The following KCNH4 variants were observed in gnomAD, a reference collection of about 807,000 sequenced individuals.
KCNH4 encodes the protein voltage-gated delayed rectifier potassium channel KCNH4.
Under a neutral mutation model 90.7 loss-of-function variants are expected in KCNH4, and 33 were observed. That is an observed-to-expected ratio of 0.36 (90% CI 0.28 to 0.49). The LOEUF is 0.49. Among genes scored for constraint, KCNH4 ranks in the 20% least tolerant of loss-of-function variants. The pLI, the probability that KCNH4 is intolerant of heterozygous loss-of-function variation, is 0.98. For missense variants in KCNH4, 1,044 were observed against 1,387.1 expected, an observed-to-expected ratio of 0.75 and a Z score of 3.93; for synonymous variants, 551 against 581.7, an observed-to-expected ratio of 0.95 and a Z score of 0.76.
At chr17:42,174,379 G>T (rs544168827) in intron 6 of KCNH4, among the ~76,000 whole-genome samples, 2 of 152,182 alleles carry the variant, frequency 1.3e-5, no homozygotes, top group Non-Finnish European at 2.9e-5. Flanking sequence ...AGGAGGGGCA[G>T]GGGGCTCTCT....
At chr17:42,162,448 AT>A in intron 14 of KCNH4, 127 bp from the exon 15 acceptor site, 1 of 706,564 alleles carries the variant, frequency 1.4e-6, no homozygotes. Flanking sequence ...GGTCTGTAAG[AT>A]GGGAAACCTA....
chr17:42,174,014 G>A (rs1261962701), intron 6 of KCNH4, among the ~76,000 whole-genome samples: 1 of 152,110 alleles, frequency 6.6e-6, no homozygotes, highest in African/African-American at 2.4e-5. Context: ...CTGGAGTGCA[G>A]TGGAGCTATC....
Position 42,163,379 on chromosome 17 carries a change from G to T in KCNH4, c.2478-45C>A. The T allele has an allele frequency of 7.0e-7, 1 of 1,428,548 alleles. No individual in the cohort carries two copies. Among genetic ancestry groups the T allele is most frequent in the Non-Finnish European group, 9.8e-7 (1 of 1,016,262 alleles). The allele number at this position is 1,428,548 out of a possible 1,614,324, so 88.5% of individuals were successfully genotyped here. A position where few individuals can be genotyped will look rare whatever the true frequency, so the allele number is the denominator to read the frequency against. ...CATCAGCACCATGGGGTGAGGGTAA[G>T]GGCCAGAGCAGAGCAGACAGAGGGG... On this transcript the variant is annotated intron_variant, in intron 13 of 16. Transcript: ENST00000264661. The surrounding 1 kb of genome is among the most constrained non-coding windows in gnomAD (Gnocchi z 5.4).
intron 11 of KCNH4, among the ~76,000 whole-genome samples, chr17:42,165,117 A>C (rs979160741): frequency 6.6e-6 from 1 of 151,854 alleles, no homozygotes. Flanking sequence ...AAAAAAAAAA[A>C]CAAAACCCAA....
At chr17:42,164,731 G>C (rs1391380174) in intron 11 of KCNH4, among the ~76,000 whole-genome samples, 1 of 152,182 alleles carries the variant, frequency 6.6e-6, no homozygotes, top group Non-Finnish European at 1.5e-5. Flanking sequence ...GAACCCGGGA[G>C]GCGGAGGTTG....
At chr17:42,160,872 C>T (rs1184676201) in intron 15 of KCNH4, among the ~76,000 whole-genome samples, 1 of 152,026 alleles carries the variant, frequency 6.6e-6, no homozygotes, top group Non-Finnish European at 1.5e-5. Flanking sequence ...CCTAAGAGGC[C>T]CAGAAATCTG....
chr17:42,169,543 G>A lies in KCNH4; in HGVS notation c.1524C>T (p.Leu508=), dbSNP rs142739364. ...FIRVHRLPRP[L]KQRMLEYFQT... ...GGAAGTATTCGAGCATGCGCTGCTT[G>A]AGCGGCCGCGGCAGGCGGTGCACAC... is the stretch of plus-strand genomic sequence containing the variant. Residue 508 remains leucine, a synonymous_variant, in exon 9 of 17, where the codon CTC becomes CTT. Coordinates refer to ENST00000264661, the MANE Select transcript of KCNH4 (RefSeq NM_012285.3). 1.4e-5 allele frequency: 22 copies of A among 1,613,454 alleles called. No individual in the cohort carries two copies. The African/African-American group carries it at 2.3e-4, about 17-fold the overall frequency.
At chr17:42,167,417 C>T (rs987747012) in intron 9 of KCNH4, among the ~76,000 whole-genome samples, 3 of 152,174 alleles carry the variant, frequency 2.0e-5, no homozygotes, top group Non-Finnish European at 4.4e-5. Flanking sequence ...CAAGCACGCA[C>T]CACTACGCCC....
chr17:42,178,659 G>A lies in KCNH4; in HGVS notation c.310+134C>T, dbSNP rs925057604. The A allele has an allele frequency of 3.6e-6, 4 of 1,121,672 alleles. No homozygotes were observed. In the African/African-American group the frequency reaches 6.2e-5, roughly 17 times the overall value. The allele number at this position is 1,121,672 out of a possible 1,614,324, so 69.5% of individuals were successfully genotyped here. A position where few individuals can be genotyped will look rare whatever the true frequency, so the allele number is the denominator to read the frequency against. On this transcript the variant is annotated intron_variant, in intron 2 of 16. Transcript: ENST00000264661. The stretch of plus-strand genomic sequence containing the variant: ...AAATGGGGGAACCCAGGACCAGAGA[G>A]GTCAGGGATACGCTCCGTCACAGTC...
In KCNH4 at chr17:42,169,473, C is replaced by G. The variant is rs759198897; in HGVS notation, c.1590+4G>C. 45 of 1,612,456 alleles carry G rather than the reference C, an allele frequency of 2.8e-5. No individual in the cohort carries two copies. The highest frequency in any genetic ancestry group is 3.7e-5 in the Non-Finnish European group (44 of 1,179,882). ...AGGGCAAGATTGGAGACCCTGCAGG[C>G]TACCTCGTTGGCGTCGATGCCGCTG... On this transcript the variant is annotated splice_donor_region_variant and intron_variant, in intron 9 of 16. Coordinates refer to ENST00000264661, the MANE Select transcript of KCNH4 (RefSeq NM_012285.3).
intron 11 of KCNH4, among the ~76,000 whole-genome samples, 166 bp downstream of exon 11, chr17:42,165,283 G>C (rs1352754825): frequency 6.6e-6 from 1 of 152,084 alleles, no homozygotes; most frequent in Non-Finnish European, 1.5e-5. Flanking sequence ...TGTAGTGTCA[G>C]CGGGGTTGGA....
At chr17:42,173,690 G>A (rs1598275616) in intron 6 of KCNH4, among the ~76,000 whole-genome samples, 1 of 80,166 alleles carries the variant, frequency 1.2e-5, no homozygotes. Context: ...TAGCGATCTG[G>A]TTCTTTTTTT....
At chr17:42,168,442 G>A (rs545168177) in intron 9 of KCNH4, among the ~76,000 whole-genome samples, 6 of 152,262 alleles carry the variant, frequency 3.9e-5, no homozygotes, top group Admixed American at 6.5e-5. Context: ...TCAAGAGTTC[G>A]AGACAAGCCT....
rs759414957 is a variant in KCNH4, at chr17:42,165,622, A to T, written c.1912T>A (p.Phe638Ile). ...QEPGLGADPN[F>I]VLKTSADVKA... ...ACATCAGCACTGGTCTTTAGCACGA[A>T]GTTTGGGTCTGCTCCCAACCCAGGC... The change falls in exon 11 of 17, where the codon TTC becomes ATC. Residue 638 changes from phenylalanine (F) to isoleucine (I), a missense_variant. By Grantham distance (21) the Phe-to-Ile change is conservative. Coordinates refer to ENST00000264661, the MANE Select transcript of KCNH4 (RefSeq NM_012285.3). 4 of 1,614,148 alleles carry T rather than the reference A, an allele frequency of 2.5e-6. No individual in the cohort carries two copies. The highest frequency in any genetic ancestry group is 3.4e-6 in the Non-Finnish European group (4 of 1,180,014).
Position 42,160,104 on chromosome 17 carries a change from G to A in KCNH4, c.2990C>T (p.Ala997Val). ...CAAGAGGCTTGGGGTTGGGGGTGAG[G>A]CCTCTGGCACTGGAGAGGGTCCCAG... ...DPLGPSPVPE[A>V]SPPTPSLLRH... Residue 997 changes from alanine (A) to valine (V), a missense_variant, in exon 16 of 17, where the codon GCC (alanine) becomes GTC (valine). Around this residue, in one of 4 missense-constraint regions of KCNH4, gnomAD observed 441 missense variants for 512.3 expected, o/e 0.86. Coordinates refer to ENST00000264661, the MANE Select transcript of KCNH4 (RefSeq NM_012285.3). The A allele has an allele frequency of 6.3e-7, 1 of 1,582,048 alleles. No homozygotes were observed.
chr17:42,176,372 G>A, intron 4 of KCNH4, 75 bp from the exon 5 acceptor site: 1 of 1,363,280 alleles, frequency 7.3e-7, no homozygotes, highest in Non-Finnish European at 1.0e-6. Flanking sequence ...AAAGGCAGGG[G>A]ATGGGGAAAG....
chr17:42,160,980 G>C (rs2079743387), intron 15 of KCNH4, among the ~76,000 whole-genome samples: 1 of 122,404 alleles, frequency 8.2e-6, no homozygotes, highest in Non-Finnish European at 1.6e-5. Flanking sequence ...AGGCTGGAGT[G>C]CAATGGCGCG....
intron 15 of KCNH4, 22 bp downstream of exon 15, chr17:42,162,226 C>T: frequency 6.2e-7 from 1 of 1,611,868 alleles, no homozygotes; most frequent in Non-Finnish European, 8.5e-7. Context: ...TCAGGCACGT[C>T]TCTGAGCCAG....
rs2144125426 is a variant in KCNH4 at position 42,165,962 on chromosome 17, G to A, written c.1841-269C>T. Among the ~76,000 whole-genome samples the A allele has an allele frequency of 1.3e-5, 2 of 152,240 alleles. 1 individual carries two copies. Among genetic ancestry groups the A allele is most frequent in the Middle Eastern group, 6.8e-3 (2 of 294 alleles). The stretch of plus-strand genomic sequence containing the variant: ...GATAAAAATCACAATGGCCGGAGGG[G>A]TCAGGTCAGTTAGAGGGTAAAAGTG... On this transcript the variant is annotated intron_variant, in intron 10 of 16. Transcript: ENST00000264661.
Sources: allele counts gnomAD v4.1 joint callset (sites outside exome capture counted in the v4.1 genomes callset), GRCh38; gene constraint gnomAD v4.1.1; regional missense constraint gnomAD v4.1.1; non-coding constraint Gnocchi (gnomAD v3.1); transcripts MANE v1.5; gene names NCBI Gene and HGNC (gene_info 2026-07-23, HGNC 2026-07-21).